The following TAB2 variants were observed in gnomAD, a reference collection of about 807,000 sequenced individuals.
TAB2 encodes the protein TGF-beta activated kinase 1 (MAP3K7) binding protein 2, also known as TGF-beta-activated kinase 1 and MAP3K7-binding protein 2.
Under a neutral mutation model 65.0 loss-of-function variants are expected in TAB2, and 3 were observed. The ratio of observed to expected loss-of-function variants is 0.05; its 90% CI spans 0.02 to 0.12. The LOEUF (loss-of-function observed/expected upper bound fraction) is 0.12, where lower values mean the gene tolerates loss of function less well. TAB2 is among the 10% of genes least tolerant of loss of function. The pLI is 1.00. For missense variants in TAB2, 623 were observed against 840.3 expected (o/e 0.74, Z 3.20); for synonymous variants, 298 against 285.1 (o/e 1.05, Z -0.46).
At chr6:149,307,165 G>A (rs2114708524) in intron 1 of TAB2, among the ~76,000 whole-genome samples, 1 of 152,096 alleles carries the variant, frequency 6.6e-6, no homozygotes, top group Non-Finnish European at 1.5e-5. Context: ...AATATGGTCA[G>A]CATTAGGCCC....
chr6:149,236,656 A>T (rs932634719), intron 1 of TAB2, among the ~76,000 whole-genome samples: 3 of 152,254 alleles, frequency 2.0e-5, no homozygotes, highest in Non-Finnish European at 2.9e-5. Flanking sequence ...GTTAGGCAGC[A>T]TAAGACATAT....
At chr6:149,269,886 C>T (rs775428882) in intron 1 of TAB2, among the ~76,000 whole-genome samples, 1 of 152,106 alleles carries the variant, frequency 6.6e-6, no homozygotes, top group Admixed American at 6.5e-5. Flanking sequence ...TGATTACAAA[C>T]GAAGTCAATA....
chr6:149,228,346 A>T (rs1206737434), intron 1 of TAB2, among the ~76,000 whole-genome samples: 1 of 152,206 alleles, frequency 6.6e-6, no homozygotes, highest in Admixed American at 6.5e-5. Flanking sequence ...CTTGCCTGGA[A>T]TCTGGCTGAC....
At chr6:149,377,903 A>G in intron 2 of TAB2, 115 bp from the exon 3 acceptor site, 1 of 806,714 alleles carries the variant, frequency 1.2e-6, no homozygotes, top group South Asian at 1.6e-5. Context: ...TAAATATCCA[A>G]ATATATGTTA....
At chr6:149,376,984 G>A (rs1781419759) in intron 2 of TAB2, among the ~76,000 whole-genome samples, 1 of 151,464 alleles carries the variant, frequency 6.6e-6, no homozygotes, top group Admixed American at 6.6e-5. Flanking sequence ...CAGAGAGAGA[G>A]GGATTACACA....
At chr6:149,260,826 T>C (rs575880643) in intron 1 of TAB2, among the ~76,000 whole-genome samples, 94 of 152,346 alleles carry the variant, frequency 6.2e-4, no homozygotes, top group Non-Finnish European at 1.2e-3. Flanking sequence ...AGTTGAGTTA[T>C]GAACTTTATG....
chr6:149,372,952 T>C (rs745498990), intron 2 of TAB2, among the ~76,000 whole-genome samples: 2 of 152,178 alleles, frequency 1.3e-5, no homozygotes, highest in Non-Finnish European at 2.9e-5. Flanking sequence ...TTCAGAACTT[T>C]TTAAAATTAG....
intron 1 of TAB2, chr6:149,246,482 G>A (rs1422604813): frequency 1.3e-5 from 2 of 152,140 alleles, no homozygotes; most frequent in Admixed American, 1.3e-4. Context: ...CTAATCAGAA[G>A]GTCTTATGTT....
At chr6:149,385,487 C>G (rs529242349) in intron 3 of TAB2, among the ~76,000 whole-genome samples, 3 of 152,216 alleles carry the variant, frequency 2.0e-5, no homozygotes, top group Non-Finnish European at 4.4e-5. Flanking sequence ...TGTAGCAAGA[C>G]TTTGTCTCTA....
intron 1 of TAB2, among the ~76,000 whole-genome samples, chr6:149,365,693 T>C (rs937103368): frequency 1.3e-5 from 2 of 151,954 alleles, no homozygotes; most frequent in African/African-American, 2.4e-5. Context: ...TTTCTTCAAA[T>C]TTTTTTTCTA....
upstream of TAB2, among the ~76,000 whole-genome samples, chr6:149,314,273 T>C (rs1283441485): frequency 6.6e-6 from 1 of 152,228 alleles, no homozygotes; most frequent in Non-Finnish European, 1.5e-5. Flanking sequence ...ACCTGCTAGA[T>C]TATCCTTCCT....
chr6:149,328,040 G>A (rs1428807698), intron 1 of TAB2, among the ~76,000 whole-genome samples: 2 of 152,114 alleles, frequency 1.3e-5, no homozygotes, highest in Non-Finnish European at 2.9e-5. Context: ...TCTTGTTGAA[G>A]GTAATTAGTT....
intron 1 of TAB2, among the ~76,000 whole-genome samples, chr6:149,275,069 G>A (rs1319678148): frequency 6.6e-6 from 1 of 151,248 alleles, no homozygotes; most frequent in African/African-American, 2.4e-5. Context: ...CTGGAGGTGT[G>A]GACTGATATT....
intron 2 of TAB2, among the ~76,000 whole-genome samples, chr6:149,374,326 C>T (rs960611600): frequency 1.3e-5 from 2 of 152,154 alleles, no homozygotes; most frequent in African/African-American, 4.8e-5. Flanking sequence ...TTCAAGTGCT[C>T]CTGCTACTTC....
chr6:149,333,334 C>A (rs72999878), intron 1 of TAB2, among the ~76,000 whole-genome samples: 7 of 152,286 alleles, frequency 4.6e-5, no homozygotes, highest in Non-Finnish European at 8.8e-5. Flanking sequence ...TTTCTCTTTT[C>A]CCTAGTGGTA....
At chr6:149,242,718 T>C (rs908511234) in intron 1 of TAB2, among the ~76,000 whole-genome samples, 1 of 152,140 alleles carries the variant, frequency 6.6e-6, no homozygotes, top group Non-Finnish European at 1.5e-5. Flanking sequence ...TGGTTCGGGA[T>C]TGTTTTGCCA....
chr6:149,226,955 T>C (rs1777293706), intron 1 of TAB2, among the ~76,000 whole-genome samples: 1 of 152,238 alleles, frequency 6.6e-6, no homozygotes. Flanking sequence ...AGGGTGGTTA[T>C]TCACTTTTCA....
chr6:149,347,983 A>C (rs1049341007), intron 1 of TAB2, among the ~76,000 whole-genome samples: 9 of 152,188 alleles, frequency 5.9e-5, no homozygotes, highest in Admixed American at 5.9e-4. Flanking sequence ...AGCATCATCC[A>C]GCTATTCTGA....
intron 1 of TAB2, among the ~76,000 whole-genome samples, chr6:149,368,870 A>T (rs1052476068): frequency 2.0e-5 from 3 of 152,176 alleles, no homozygotes; most frequent in Non-Finnish European, 2.9e-5. Flanking sequence ...AGCACTGAGG[A>T]GTTCTATAAA....
Sources: allele counts gnomAD v4.1 joint callset (sites outside exome capture counted in the v4.1 genomes callset), GRCh38; gene constraint gnomAD v4.1.1; transcripts MANE v1.5; gene names NCBI Gene and HGNC (gene_info 2026-07-23, HGNC 2026-07-21).